Variants in KIF6 observed in about 807,000 individuals in gnomAD.
The protein encoded by KIF6 is kinesin-like protein KIF6.
Under a neutral mutation model 112.7 loss-of-function variants are expected in KIF6, and 106 were observed. The observed-to-expected ratio is 0.94, with a 90% CI of 0.80 to 1.11. The LOEUF is 1.11. KIF6 is among the 50% of genes least tolerant of loss of function. The pLI is 0.00. For missense variants in KIF6, 929 were observed against 964.0 expected, an observed-to-expected ratio of 0.96 and a Z score of 0.48; for synonymous variants, 339 against 339.9, an observed-to-expected ratio of 1.00 and a Z score of 0.03.
chr6:39,449,000 C>T (rs1178430828), intron 13 of KIF6, among the ~76,000 whole-genome samples: 1 of 152,174 alleles, frequency 6.6e-6, no homozygotes, highest in Non-Finnish European at 1.5e-5. Flanking sequence ...GATTCTTCAA[C>T]CCCCACATGC....
At chr6:39,535,726 A>G (rs1778379449) in intron 13 of KIF6, among the ~76,000 whole-genome samples, 1 of 152,238 alleles carries the variant, frequency 6.6e-6, no homozygotes, top group Admixed American at 6.5e-5. Context: ...ATAGACATCT[A>G]CAGAACTCTC....
chr6:39,501,961 T>C (rs779525575), intron 13 of KIF6, among the ~76,000 whole-genome samples: 5 of 152,012 alleles, frequency 3.3e-5, no homozygotes, highest in Non-Finnish European at 7.4e-5. Flanking sequence ...TGGGCCAACA[T>C]TCAAATTCAG....
chr6:39,679,086 C>T (rs1787347055), intron 3 of KIF6, among the ~76,000 whole-genome samples: 1 of 152,200 alleles, frequency 6.6e-6, no homozygotes, highest in East Asian at 1.9e-4. Flanking sequence ...TTACAACTAA[C>T]ATCTTTGTAA....
chr6:39,337,129 C>CTCCT (rs200086134), intron 22 of KIF6, among the ~76,000 whole-genome samples: 17,873 of 93,002 alleles, frequency 0.19, 2,448 homozygotes, highest in East Asian at 0.41. Flanking sequence ...TCTTTCTTTC[C>CTCCT]TCCTTCCTTC....
chr6:39,377,849 C>G (rs756024953), intron 16 of KIF6, among the ~76,000 whole-genome samples: 1 of 152,076 alleles, frequency 6.6e-6, no homozygotes, highest in Non-Finnish European at 1.5e-5. Context: ...CACGTGGCAT[C>G]ACAGTCGAAT....
chr6:39,710,531 A>T (rs1187543374), intron 3 of KIF6, among the ~76,000 whole-genome samples: 3 of 151,936 alleles, frequency 2.0e-5, no homozygotes, highest in Non-Finnish European at 2.9e-5. Flanking sequence ...GGAGGATACC[A>T]CATTCACAAG....
chr6:39,376,180 A>G (rs1766426504), intron 16 of KIF6, among the ~76,000 whole-genome samples: 1 of 152,218 alleles, frequency 6.6e-6, no homozygotes, highest in African/African-American at 2.4e-5. Flanking sequence ...CTGAGATGTT[A>G]TCTCAGCCTT....
intron 13 of KIF6, among the ~76,000 whole-genome samples, chr6:39,495,238 C>T (rs750999642): frequency 1.3e-5 from 2 of 152,188 alleles, no homozygotes; most frequent in South Asian, 2.1e-4. Context: ...CTGTGTGCCA[C>T]GTCATCATAC....
At chr6:39,540,351 A>C in intron 12 of KIF6, 130 bp from the exon 13 acceptor site, 3 of 638,384 alleles carry the variant, frequency 4.7e-6, no homozygotes, top group Non-Finnish European at 8.0e-6. Context: ...GAAGGCTTCA[A>C]CTTCCTGAAG....
intron 10 of KIF6, among the ~76,000 whole-genome samples, chr6:39,576,048 C>A (rs1309228725): frequency 6.6e-6 from 1 of 152,126 alleles, no homozygotes; most frequent in African/African-American, 2.4e-5. Context: ...ATACTGAAAC[C>A]ACCATATTCA....
At chr6:39,718,946 T>C (rs184326334) in intron 2 of KIF6, among the ~76,000 whole-genome samples, 72 of 152,142 alleles carry the variant, frequency 4.7e-4, no homozygotes, top group Non-Finnish European at 7.9e-4. Flanking sequence ...ATGTATATTA[T>C]ATATGAAAGA....
At chr6:39,487,037 C>T (rs377384086) in intron 13 of KIF6, among the ~76,000 whole-genome samples, 4 of 152,196 alleles carry the variant, frequency 2.6e-5, no homozygotes, top group South Asian at 4.2e-4. Context: ...TTAACAGTAA[C>T]AACAAATAAT....
intron 13 of KIF6, among the ~76,000 whole-genome samples, chr6:39,441,068 T>C (rs1771895425): frequency 6.6e-6 from 1 of 152,160 alleles, no homozygotes; most frequent in Non-Finnish European, 1.5e-5. Flanking sequence ...CCCACAAGGA[T>C]GCTTGTGATT....
chr6:39,609,752 G>T (rs944056517), intron 6 of KIF6, among the ~76,000 whole-genome samples: 4 of 151,966 alleles, frequency 2.6e-5, no homozygotes, highest in South Asian at 2.1e-4. Context: ...GACCTGCTTG[G>T]TTTTTTTTGC....
At chr6:39,640,719 T>C (rs1204656203) in intron 3 of KIF6, among the ~76,000 whole-genome samples, 1 of 152,158 alleles carries the variant, frequency 6.6e-6, no homozygotes, top group Non-Finnish European at 1.5e-5. Context: ...GAGTGATCTG[T>C]CATTATAAGG....
At chr6:39,496,722 C>T (rs930566181) in intron 13 of KIF6, among the ~76,000 whole-genome samples, 1 of 152,176 alleles carries the variant, frequency 6.6e-6, no homozygotes, top group African/African-American at 2.4e-5. Context: ...AACATTTTCA[C>T]ATCAAACCAG....
intron 10 of KIF6, among the ~76,000 whole-genome samples, chr6:39,560,783 A>G (rs551305547): frequency 6.6e-6 from 1 of 152,222 alleles, no homozygotes; most frequent in South Asian, 2.1e-4. Flanking sequence ...TTTGCTGCCA[A>G]TGTTGTGGGC....
At position 39,545,571 on chromosome 6, in the gene KIF6, A is replaced by T. The variant is rs781183543; in HGVS notation, c.1287+12T>A. The T allele has an allele frequency of 1.3e-6, 2 of 1,598,398 alleles. No homozygotes were observed. The highest frequency in any genetic ancestry group is 2.2e-5 in the South Asian group (2 of 90,064). On this transcript the variant is annotated intron_variant, in intron 11 of 22. Coordinates refer to ENST00000287152, the MANE Select transcript of KIF6 (RefSeq NM_145027.6). ...TGAAAATGGCTTCTATTGGGGAAAC[A>T]TTTAAGTTTACCTTTAAATGATGAA... is the stretch of plus-strand genomic sequence containing the variant.
chr6:39,380,971 A>T (rs916622451), intron 16 of KIF6, among the ~76,000 whole-genome samples: 1 of 152,236 alleles, frequency 6.6e-6, no homozygotes, highest in African/African-American at 2.4e-5. Flanking sequence ...GGCTCCCCAC[A>T]TTCCTGGAGT....
Sources: gnomAD v4.1 joint callset for allele counts (sites outside exome capture counted in the v4.1 genomes callset) on GRCh38, gnomAD v4.1.1 for gene constraint, MANE v1.5 for transcripts, NCBI Gene and HGNC (gene_info 2026-07-23, HGNC 2026-07-21) for gene names.